Variants in EEFSEC observed in about 807,000 individuals in gnomAD.
EEFSEC encodes the protein eukaryotic elongation factor, selenocysteine-tRNA specific, also known as selenocysteine-specific elongation factor.
EEFSEC carries 43 observed loss-of-function variants against 42.1 expected under a neutral mutation model. The observed-to-expected ratio is 1.02, with a 90% CI of 0.80 to 1.32. EEFSEC has a LOEUF of 1.32. EEFSEC is among the 40% of genes most tolerant of loss of function. The pLI is 0.00. For synonymous variants in EEFSEC, 354 were observed against 339.1 expected, an observed-to-expected ratio of 1.04 and a Z score of -0.48; for missense variants, 745 against 803.6, an observed-to-expected ratio of 0.93 and a Z score of 0.88.
chr3:128,287,473 GCTTC>G (rs2066598337), intron 4 of EEFSEC, among the ~76,000 whole-genome samples: 1 of 152,206 alleles, frequency 6.6e-6, no homozygotes, highest in Admixed American at 6.5e-5. Context: ...ACTAGCCTTG[GCTTC>G]CTTAAGGCCT....
chr3:128,298,488 G>A (rs967130779), intron 4 of EEFSEC, among the ~76,000 whole-genome samples: 1 of 152,094 alleles, frequency 6.6e-6, no homozygotes, highest in Non-Finnish European at 1.5e-5. Flanking sequence ...CATATTTGGG[G>A]GCACATATGA....
chr3:128,381,875 C>G (rs1372628845), intron 6 of EEFSEC, among the ~76,000 whole-genome samples: 1 of 152,124 alleles, frequency 6.6e-6, no homozygotes, highest in Non-Finnish European at 1.5e-5. Context: ...ATGTTCCTTT[C>G]CCTGAGGTGG....
chr3:128,315,545 C>G (rs2066935875), intron 4 of EEFSEC, among the ~76,000 whole-genome samples: 1 of 152,180 alleles, frequency 6.6e-6, no homozygotes, highest in Admixed American at 6.5e-5. Flanking sequence ...GCTATGGCCT[C>G]TGCCAGAAGC....
chr3:128,229,584 C>A (rs2065939964), intron 1 of EEFSEC, among the ~76,000 whole-genome samples: 1 of 152,242 alleles, frequency 6.6e-6, no homozygotes, highest in Non-Finnish European at 1.5e-5. Flanking sequence ...GATGTTTATT[C>A]TGTTTCTTCG....
At chr3:128,312,031 G>A (rs2066895879) in intron 4 of EEFSEC, among the ~76,000 whole-genome samples, 1 of 152,118 alleles carries the variant, frequency 6.6e-6, no homozygotes, top group South Asian at 2.1e-4. Flanking sequence ...GCTCATCAAT[G>A]CTGATTTGTC....
At chr3:128,404,392 C>T (rs1576709552) in intron 6 of EEFSEC, among the ~76,000 whole-genome samples, 1 of 152,372 alleles carries the variant, frequency 6.6e-6, no homozygotes, top group Non-Finnish European at 1.5e-5. Flanking sequence ...GCGAGGTATG[C>T]ATTGTGTGTA....
chr3:128,176,604 G>A (rs1381691581), intron 1 of EEFSEC, among the ~76,000 whole-genome samples: 1 of 152,134 alleles, frequency 6.6e-6, no homozygotes, highest in East Asian at 1.9e-4. Context: ...AATAATTTAT[G>A]CATTAATACT....
chr3:128,275,428 A>G (rs535993054), intron 4 of EEFSEC, among the ~76,000 whole-genome samples: 1 of 152,226 alleles, frequency 6.6e-6, no homozygotes, highest in Non-Finnish European at 1.5e-5. Context: ...TTGCACACCC[A>G]TGAAGCCAGC....
chr3:128,163,260 G>A (rs1576508656), intron 1 of EEFSEC, among the ~76,000 whole-genome samples: 1 of 152,044 alleles, frequency 6.6e-6, no homozygotes, highest in Non-Finnish European at 1.5e-5. Context: ...CTCATGGTAG[G>A]ATAGGGAGCT....
chr3:128,208,939 G>A (rs1369909568), intron 1 of EEFSEC, among the ~76,000 whole-genome samples: 3 of 152,198 alleles, frequency 2.0e-5, no homozygotes, highest in African/African-American at 7.2e-5. Flanking sequence ...GAGCATAGAT[G>A]AGAGAGAACA....
At chr3:128,338,238 G>A (rs1028858338) in intron 4 of EEFSEC, among the ~76,000 whole-genome samples, 3 of 152,208 alleles carry the variant, frequency 2.0e-5, no homozygotes, top group Non-Finnish European at 2.9e-5. Flanking sequence ...ATACACACGT[G>A]TGTATAAAAA....
chr3:128,413,933 G>A, the EEFSEC span, among the ~76,000 whole-genome samples: 2 of 152,220 alleles, frequency 1.3e-5, no homozygotes, highest in African/African-American at 4.8e-5. Context: ...AGAGGCAACG[G>A]AGCTGTGGCC....
intron 4 of EEFSEC, among the ~76,000 whole-genome samples, chr3:128,339,004 C>T (rs1334899389): frequency 1.3e-5 from 2 of 152,178 alleles, no homozygotes; most frequent in Admixed American, 6.5e-5. Context: ...CTGCTGCAGG[C>T]GCCTGGGAGG....
At chr3:128,370,444 C>T (rs1464611800) in intron 6 of EEFSEC, among the ~76,000 whole-genome samples, 1 of 152,080 alleles carries the variant, frequency 6.6e-6, no homozygotes, top group Non-Finnish European at 1.5e-5. Flanking sequence ...GGAGGAGGGG[C>T]ACCAGCAGGT....
chr3:128,227,359 A>C (rs980824618), intron 1 of EEFSEC, among the ~76,000 whole-genome samples: 1 of 151,604 alleles, frequency 6.6e-6, no homozygotes, highest in Non-Finnish European at 1.5e-5. Context: ...CCAGTAAACA[A>C]TTTCTTAGGT....
At chr3:128,268,750 C>A (rs565945904) in intron 4 of EEFSEC, among the ~76,000 whole-genome samples, 1 of 152,130 alleles carries the variant, frequency 6.6e-6, no homozygotes, top group East Asian at 1.9e-4. Context: ...TGCCGGAAGC[C>A]CCCAGAAGCC....
At chr3:128,233,535 C>T (rs1392877657) in intron 1 of EEFSEC, among the ~76,000 whole-genome samples, 1 of 152,224 alleles carries the variant, frequency 6.6e-6, no homozygotes, top group Non-Finnish European at 1.5e-5. Flanking sequence ...CACATCTTTA[C>T]CAGCCCTTGC....
chr3:128,280,865 G>C (rs2066518478), intron 4 of EEFSEC, among the ~76,000 whole-genome samples: 1 of 151,988 alleles, frequency 6.6e-6, no homozygotes, highest in Admixed American at 6.6e-5. Flanking sequence ...CCTACTCACT[G>C]TTTTTTTTCC....
chr3:128,375,045 G>A (rs2067693868), intron 6 of EEFSEC, among the ~76,000 whole-genome samples: 1 of 152,204 alleles, frequency 6.6e-6, no homozygotes, highest in Non-Finnish European at 1.5e-5. Flanking sequence ...CCCAGCCTTT[G>A]GGGTGGTTAA....
Sources: gnomAD v4.1 joint callset for allele counts (sites outside exome capture counted in the v4.1 genomes callset) on GRCh38, gnomAD v4.1.1 for gene constraint, MANE v1.5 for transcripts, NCBI Gene and HGNC (gene_info 2026-07-23, HGNC 2026-07-21) for gene names.